TFAP2D: variants seen among roughly 807,000 people sequenced by gnomAD.
TFAP2D encodes transcription factor AP-2 delta.
Under a neutral mutation model 43.6 loss-of-function variants are expected in TFAP2D, and 9 were observed. The ratio of observed to expected loss-of-function variants is 0.21; its 90% CI spans 0.12 to 0.36. The LOEUF (loss-of-function observed/expected upper bound fraction) is 0.36. TFAP2D is among the 10% of genes least tolerant of loss of function. TFAP2D has a pLI of 1.00. For missense variants in TFAP2D, 513 were observed against 561.4 expected, an observed-to-expected ratio of 0.91 and a Z score of 0.87; for synonymous variants, 256 against 224.9, an observed-to-expected ratio of 1.14 and a Z score of -1.24.
Position 50,714,104 on chromosome 6 carries a change from C to T in TFAP2D, c.39+10C>T, listed in dbSNP as rs576253457. Reference sequence around the variant, plus strand: ...AGTCCACGATGCCGAGGTATTATTACTTTTTTTTTTTTTTTTTTTTGAGCG... The same window carrying T: ...AGTCCACGATGCCGAGGTATTATTATTTTTTTTTTTTTTTTTTTTTGAGCG... On this transcript the variant is annotated intron_variant, in intron 1 of 7. Coordinates refer to ENST00000008391, the MANE Select transcript of TFAP2D (RefSeq NM_172238.4). 84 of 1,398,894 alleles carry T rather than the reference C, an allele frequency of 6.0e-5. No homozygotes were observed. The highest frequency in any genetic ancestry group is 2.5e-4 in the Middle Eastern group (1 of 4,074). 86.7% of individuals were successfully genotyped at this position (1,398,894 alleles called of 1,614,324 possible). A position where few individuals can be genotyped will look rare whatever the true frequency, so the allele number is the denominator to read the frequency against.
rs1455239820 is a variant in TFAP2D, at chr6:50,715,143, C to T, written c.67C>T (p.Arg23Cys). 3 of 1,614,122 alleles carry T rather than the reference C, an allele frequency of 1.9e-6. No individual in the cohort carries two copies. Among genetic ancestry groups the T allele is most frequent in the Admixed American group, 3.3e-5 (2 of 60,028 alleles). The change falls in exon 2 of 8, where the codon CGT becomes TGT. Residue 23 changes from arginine to cysteine, a missense_variant. Arg to Cys is a radical substitution (Grantham distance 180, BLOSUM62 -3). This residue lies in a region of TFAP2D where 311 missense variants were observed against 316.2 expected (regional missense o/e 0.98). Coordinates refer to ENST00000008391, the MANE Select transcript of TFAP2D (RefSeq NM_172238.4). ...ACGTCACGACGGATCAAACAGCTAC[C>T]GTTTGATGCAGCTTGGCTGTCTGGA... is the stretch of plus-strand genomic sequence containing the variant. Reference protein sequence around the residue: ...EIRHDGSNSYRLMQLGCLESV... With the variant: ...EIRHDGSNSYCLMQLGCLESV...
chr6:50,735,524 C>A (rs1768950331), intron 5 of TFAP2D, among the ~76,000 whole-genome samples: 1 of 152,038 alleles, frequency 6.6e-6, no homozygotes, highest in African/African-American at 2.4e-5. Flanking sequence ...CTACTTAATC[C>A]CTCAAAGTTA....
At chr6:50,718,637 C>T (rs1406167363) in intron 2 of TFAP2D, among the ~76,000 whole-genome samples, 1 of 152,066 alleles carries the variant, frequency 6.6e-6, no homozygotes, top group African/African-American at 2.4e-5. Flanking sequence ...AAAACAGAAC[C>T]TCCATAAGAC....
chr6:50,738,145 AT>A (rs1233675311), intron 5 of TFAP2D, among the ~76,000 whole-genome samples: 1 of 152,130 alleles, frequency 6.6e-6, no homozygotes, highest in Non-Finnish European at 1.5e-5. Flanking sequence ...ACCCTCTATT[AT>A]GAAGGAGATT....
chr6:50,713,915 A>C lies in TFAP2D; in HGVS notation c.-141A>C. The C allele has an allele frequency of 1.5e-6, 2 of 1,321,268 alleles. No homozygotes were observed. The highest frequency in any genetic ancestry group is 2.1e-6 in the Non-Finnish European group (2 of 934,432). The allele number at this position is 1,321,268 out of a possible 1,614,324, so 81.8% of individuals were successfully genotyped here. A position where few individuals can be genotyped will look rare whatever the true frequency, so the allele number is the denominator to read the frequency against. On this transcript the variant is annotated 5_prime_UTR_variant, in exon 1 of 8. Coordinates refer to ENST00000008391, the MANE Select transcript of TFAP2D (RefSeq NM_172238.4). ...CAAGGAGCTATCTGATCCGGGCAAA[A>C]CCATTACAATTTAGATATCTACCTA... is the stretch of plus-strand genomic sequence containing the variant.
rs757540869 is a variant in TFAP2D at position 50,715,626 on chromosome 6, G to A, written c.537+13G>A. On this transcript the variant is annotated intron_variant, in intron 2 of 7. Transcript: ENST00000008391. The stretch of plus-strand genomic sequence containing the variant: ...AGACGACTTGCAGGTAAATAAGCAT[G>A]CAGCGAATTTGTCTGCTCCCTCCCC... 9.5e-6 allele frequency: 15 copies of A among 1,580,850 alleles called. 1 individual carries two copies. The highest frequency in any genetic ancestry group is 1.3e-5 in the Non-Finnish European group (15 of 1,163,544).
At chr6:50,724,557 A>C (rs1326708971) in intron 3 of TFAP2D, among the ~76,000 whole-genome samples, 4 of 152,088 alleles carry the variant, frequency 2.6e-5, no homozygotes, top group Non-Finnish European at 5.9e-5. Flanking sequence ...ACCTCTCGCC[A>C]CAGCTGGGTG....
chr6:50,723,412 G>A (rs1338228428), intron 3 of TFAP2D, among the ~76,000 whole-genome samples: 1 of 152,216 alleles, frequency 6.6e-6, no homozygotes, highest in Non-Finnish European at 1.5e-5. Flanking sequence ...TCCTGAAGGA[G>A]TACAATTGGA....
chr6:50,755,604 T>C (rs1443862432), intron 7 of TFAP2D, among the ~76,000 whole-genome samples: 1 of 151,978 alleles, frequency 6.6e-6, no homozygotes, highest in African/African-American at 2.4e-5. Context: ...TAAGCTTTTT[T>C]TCCCCCTTTG....
At chr6:50,748,244 T>C (rs1769151980) in intron 6 of TFAP2D, among the ~76,000 whole-genome samples, 2 of 151,966 alleles carry the variant, frequency 1.3e-5, no homozygotes, top group Non-Finnish European at 2.9e-5. Flanking sequence ...ACATGTGTTC[T>C]GAGAAGTTTC....
intron 7 of TFAP2D, among the ~76,000 whole-genome samples, chr6:50,771,687 C>A (rs1769531129): frequency 6.6e-6 from 1 of 152,142 alleles, no homozygotes; most frequent in Non-Finnish European, 1.5e-5. Context: ...CAATCAAAAC[C>A]ACAATGAGAT....
intron 5 of TFAP2D, among the ~76,000 whole-genome samples, chr6:50,744,390 T>C (rs939226875): frequency 6.6e-6 from 1 of 152,198 alleles, no homozygotes; most frequent in African/African-American, 2.4e-5. Context: ...TCTGGCTGCA[T>C]AGTGTTCCAT....
rs1768595781 is a variant in TFAP2D, at chr6:50,715,121, T to A, written c.45T>A (p.Arg15=). 11 of 1,613,680 alleles carry A rather than the reference T, an allele frequency of 6.8e-6. No individual in the cohort carries two copies. The highest frequency in any genetic ancestry group is 1.3e-5 in the African/African-American group (1 of 74,884). ...FPGLVHDAEI[R]HDGSNSYRLM... ...TTTCCCCCTCTTCCTTCCAGATACG[T>A]CACGACGGATCAAACAGCTACCGTT... is the stretch of plus-strand genomic sequence containing the variant. Residue 15 remains arginine (R), a synonymous_variant, in exon 2 of 8, where the codon CGT becomes CGA. Transcript: ENST00000008391.
At chr6:50,753,221 A>G (rs983404616) in intron 7 of TFAP2D, among the ~76,000 whole-genome samples, 2 of 151,952 alleles carry the variant, frequency 1.3e-5, no homozygotes, top group East Asian at 1.9e-4. Flanking sequence ...ATACTATTAA[A>G]GTACAGAGAA....
rs1768852942 is a variant in TFAP2D at position 50,729,435 on chromosome 6, G to A, written c.883+123G>A. 6 of 707,886 alleles carry A rather than the reference G, an allele frequency of 8.5e-6. No homozygotes were observed. The East Asian group carries it at 1.0e-4, about 12-fold the overall frequency. 43.9% of individuals were successfully genotyped at this position (707,886 alleles called of 1,614,324 possible). A position where few individuals can be genotyped will look rare whatever the true frequency, so the allele number is the denominator to read the frequency against. ...TTAAGCAAGTCAGTTAACAGTTAAG[G>A]TAAATTTCCTAAATTATCTTGACAA... On this transcript the variant is annotated intron_variant, in intron 5 of 7. Transcript: ENST00000008391.
At chr6:50,738,107 A>G (rs1768988055) in intron 5 of TFAP2D, among the ~76,000 whole-genome samples, 1 of 152,070 alleles carries the variant, frequency 6.6e-6, no homozygotes, top group Non-Finnish European at 1.5e-5. Flanking sequence ...CAATTTTTTT[A>G]TCATTGCTTA....
At chr6:50,724,680 G>A (rs1327556220) in intron 3 of TFAP2D, among the ~76,000 whole-genome samples, 12 of 152,066 alleles carry the variant, frequency 7.9e-5, no homozygotes. Flanking sequence ...CTCTGCCCCA[G>A]TAGCCTGGGA....
intron 5 of TFAP2D, among the ~76,000 whole-genome samples, chr6:50,738,734 G>A (rs941520634): frequency 2.6e-5 from 4 of 152,058 alleles, no homozygotes; most frequent in African/African-American, 9.7e-5. Flanking sequence ...TGAAGTCTTT[G>A]TTTCCCTAAC....
chr6:50,744,624 A>T (rs2113882562), intron 5 of TFAP2D, among the ~76,000 whole-genome samples: 1 of 152,280 alleles, frequency 6.6e-6, no homozygotes, highest in African/African-American at 2.4e-5. Context: ...GATTTTCCAA[A>T]GTTCTCCGAC....
Sources: gnomAD v4.1 joint callset for allele counts (sites outside exome capture counted in the v4.1 genomes callset) on GRCh38, gnomAD v4.1.1 for gene constraint, gnomAD v4.1.1 regional missense constraint, MANE v1.5 for transcripts, NCBI Gene and HGNC (gene_info 2026-07-23, HGNC 2026-07-21) for gene names.